GNA15: variants seen among roughly 807,000 people sequenced by gnomAD.
GNA15 encodes the protein G protein subunit alpha 15.
A neutral mutation model predicts 40.1 loss-of-function variants in GNA15; 23 were observed. The ratio of observed to expected loss-of-function variants is 0.57; its 90% CI spans 0.41 to 0.81. The LOEUF is 0.81. Among genes scored for constraint, GNA15 ranks in the 40% least tolerant of loss-of-function variants. The pLI is 0.00. For synonymous variants in GNA15, 226 were observed against 210.4 expected, an observed-to-expected ratio of 1.07 and a Z score of -0.64; for missense variants, 522 against 515.8, an observed-to-expected ratio of 1.01 and a Z score of -0.12.
At position 3,157,805 on chromosome 19, in the gene GNA15, C is replaced by T. The variant is rs1008634269; in HGVS notation, c.822C>T (p.Leu274=). ...LPWFKSTSVI[L]FLNKTDILEE... ...GGTTCAAAAGCACATCCGTCATCCTCTTTCTCAACAAAACCGACATCCTGG... is the reference window on the plus strand; with the variant it reads ...GGTTCAAAAGCACATCCGTCATCCTTTTTCTCAACAAAACCGACATCCTGG... The change falls in exon 6 of 7, where the codon CTC becomes CTT. Residue 274 remains leucine (L), a synonymous_variant. Transcript: ENST00000262958. The T allele has an allele frequency of 1.9e-6, 3 of 1,613,498 alleles. No homozygotes were observed. The African/African-American group carries it at 4.0e-5, about 22-fold the overall frequency.
At position 3,148,643 on chromosome 19, in the gene GNA15, C is replaced by T. The variant is rs145634230; in HGVS notation, c.198C>T (p.His66=). ...TCATCAAGCAGATGCGGATCATCCACGGCGCCGGCTACTCGGAGGAGGAGC... is the reference window on the plus strand; with the variant it reads ...TCATCAAGCAGATGCGGATCATCCATGGCGCCGGCTACTCGGAGGAGGAGC... ...STFIKQMRII[H]GAGYSEEERK... is the part of the protein sequence containing the mutation. Residue 66 remains histidine, a synonymous_variant, in exon 2 of 7, where the codon CAC becomes CAT. Transcript: ENST00000262958. 1.7e-5 allele frequency: 27 copies of T among 1,588,478 alleles called. No individual in the cohort carries two copies. Among genetic ancestry groups the T allele is most frequent in the East Asian group, 1.1e-4 (5 of 43,774 alleles).
chr19:3,142,857 G>C (rs1452523825), intron 1 of GNA15, among the ~76,000 whole-genome samples: 1 of 151,900 alleles, frequency 6.6e-6, no homozygotes, highest in East Asian at 1.9e-4. Flanking sequence ...GTGTGACAGA[G>C]CCAGACTCTA....
Position 3,157,853 on chromosome 19 carries a change from C to T in GNA15, c.870C>T (p.His290=). 1.2e-6 allele frequency: 2 copies of T among 1,613,526 alleles called. No homozygotes were observed. Among genetic ancestry groups the T allele is most frequent in the Non-Finnish European group, 1.7e-6 (2 of 1,179,404 alleles). ...TGGAGGAGAAAATCCCCACCTCCCA[C>T]CTGGCTACCTATTTCCCCAGTTTCC... is the stretch of plus-strand genomic sequence containing the variant. The part of the protein sequence containing the change: ...DILEEKIPTS[H]LATYFPSFQG... Residue 290 remains histidine, a synonymous_variant, in exon 6 of 7, where the codon CAC becomes CAT. Coordinates refer to ENST00000262958, the MANE Select transcript of GNA15 (RefSeq NM_002068.4).
At chr19:3,145,355 A>ATTTT (rs1374760162) in intron 1 of GNA15, among the ~76,000 whole-genome samples, 55 of 36,368 alleles carry the variant, frequency 1.5e-3, no homozygotes, top group Admixed American at 3.1e-3. Flanking sequence ...ATATATATAT[A>ATTTT]TATATTTTTT....
intron 1 of GNA15, among the ~76,000 whole-genome samples, chr19:3,147,888 A>T (rs1171003625): frequency 6.6e-4 from 14 of 21,368 alleles, no homozygotes; most frequent in Non-Finnish European, 1.1e-3. Flanking sequence ...ACTCCATCTC[A>T]AAAAAAAAAA....
chr19:3,136,213 C>G lies in GNA15; in HGVS notation c.-238C>G. 1 of 477,472 alleles carries G rather than the reference C, an allele frequency of 2.1e-6. No individual in the cohort carries two copies. Among genetic ancestry groups the G allele is most frequent in the East Asian group, 3.9e-5 (1 of 25,516 alleles). The allele number at this position is 477,472 out of a possible 1,614,324, so 29.6% of individuals were successfully genotyped here. On this transcript the variant is annotated 5_prime_UTR_variant, in exon 1 of 7. Transcript: ENST00000262958. This position sits in a 1 kb window ranked among gnomAD's most constrained non-coding sequence, Gnocchi z 4.9. The stretch of plus-strand genomic sequence containing the variant: ...TGGGCGGGGAGCCCTGGCCTCCCCA[C>G]CTCCTCCCGTCCCCACCCTGTTCCC...
rs114215767 is a variant in GNA15 at position 3,163,458 on chromosome 19, C to T, written c.*439C>T. On this transcript the variant is annotated 3_prime_UTR_variant, in exon 7 of 7. Transcript: ENST00000262958. ...GCGCCTTCGGGCGTGGACTCTGGCG[C>T]ACTCTAGTGGACAGGAGAAGGAACG... The T allele has an allele frequency of 8.9e-3, 1,866 of 210,322 alleles. 40 individuals are homozygous for T. The highest frequency in any genetic ancestry group is 0.039 in the African/African-American group (1,702 of 43,134). The allele number at this position is 210,322 out of a possible 1,614,324, so 13.0% of individuals were successfully genotyped here.
rs1216591880 is a variant in GNA15, at chr19:3,136,681, G to A, written c.145+86G>A. 3.9e-6 allele frequency: 5 copies of A among 1,283,542 alleles called. No homozygotes were observed. The South Asian group carries it at 4.0e-5, about 10-fold the overall frequency. 79.5% of individuals were successfully genotyped at this position (1,283,542 alleles called of 1,614,324 possible). A position where few individuals can be genotyped will look rare whatever the true frequency, so the allele number is the denominator to read the frequency against. On this transcript the variant is annotated intron_variant, in intron 1 of 6. Coordinates refer to ENST00000262958, the MANE Select transcript of GNA15 (RefSeq NM_002068.4). The surrounding 1 kb of genome is among the most constrained non-coding windows in gnomAD (Gnocchi z 4.9). The stretch of plus-strand genomic sequence containing the variant: ...GTGTCGGGGCAAGGAGGCGGATCAG[G>A]CTAGGTCAGACATTGGCATCGTGGA...
chr19:3,137,336 G>C (rs1441536409), intron 1 of GNA15, among the ~76,000 whole-genome samples: 1 of 152,174 alleles, frequency 6.6e-6, no homozygotes. Context: ...GGGAGTCGAC[G>C]TCAGTAACGG....
In GNA15 at chr19:3,151,711, C is replaced by T. The variant is rs761861133; in HGVS notation, c.490C>T (p.Leu164=). The part of the protein sequence containing the change: ...FHLLDSAVYY[L]SHLERITEEG... ...TCAGGACTCCTTGCTCTGCAGCTAC[C>T]TGTCCCACCTGGAGCGCATCACCGA... The change falls in exon 4 of 7, where the codon CTG becomes TTG. Residue 164 remains leucine (L), a synonymous_variant. Transcript: ENST00000262958. The surrounding 1 kb of genome is among the most constrained non-coding windows in gnomAD (Gnocchi z 5.0). 85 of 1,593,114 alleles carry T rather than the reference C, an allele frequency of 5.3e-5. No individual in the cohort carries two copies. The East Asian group carries it at 1.9e-3, about 35-fold the overall frequency.
intron 6 of GNA15, among the ~76,000 whole-genome samples, chr19:3,158,896 G>C (rs11881967): frequency 0.18 from 26,738 of 152,144 alleles, 2,532 homozygotes; most frequent in African/African-American, 0.2. Context: ...GCCTCCCAAA[G>C]TGCTGGGATT....
At chr19:3,161,921 T>C (rs1288659908) in intron 6 of GNA15, among the ~76,000 whole-genome samples, 2 of 151,094 alleles carry the variant, frequency 1.3e-5, no homozygotes, top group Non-Finnish European at 2.9e-5. Flanking sequence ...TCATCCCAGT[T>C]ACTCGGGAGG....
intron 6 of GNA15, among the ~76,000 whole-genome samples, chr19:3,162,088 A>T (rs145079819): frequency 6.6e-6 from 1 of 152,006 alleles, no homozygotes; most frequent in African/African-American, 2.4e-5. Context: ...ACAGCAGCTA[A>T]CACATCTACC....
intron 2 of GNA15, 58 bp from the exon 3 acceptor site, chr19:3,150,073 G>A: frequency 6.7e-7 from 1 of 1,491,036 alleles, no homozygotes; most frequent in Non-Finnish European, 9.2e-7. Context: ...AGAGATGCCT[G>A]CGGAGGGCAG....
intron 4 of GNA15, among the ~76,000 whole-genome samples, chr19:3,154,174 T>TGGATGGGTG (rs766187505): frequency 1.2e-4 from 11 of 95,238 alleles, no homozygotes; most frequent in Admixed American, 7.0e-4. Context: ...GATGGATGGA[T>TGGATGGGTG]GGATGGATGG....
At chr19:3,138,370 C>T (rs201142097) in intron 1 of GNA15, among the ~76,000 whole-genome samples, 1 of 152,188 alleles carries the variant, frequency 6.6e-6, no homozygotes, top group African/African-American at 2.4e-5. Context: ...GGCCTAAGCC[C>T]GGGATGCTAG....
intron 1 of GNA15, among the ~76,000 whole-genome samples, chr19:3,147,258 A>G (rs1286517400): frequency 1.3e-5 from 2 of 152,236 alleles, no homozygotes; most frequent in African/African-American, 4.8e-5. Context: ...TGTTATGATA[A>G]ATAATAAAAA....
At position 3,150,281 on chromosome 19, in the gene GNA15, G is replaced by C. The variant is rs747001611; in HGVS notation, c.481G>C (p.Val161Leu). The C allele has an allele frequency of 1.3e-6, 2 of 1,584,570 alleles. No homozygotes were observed. The highest frequency in any genetic ancestry group is 1.3e-5 in the African/African-American group (1 of 74,346). ...RREFHLLDSA[V>L]YYLSHLERIT... The stretch of plus-strand genomic sequence containing the variant: ...GGAATTCCACCTGCTCGATTCAGCC[G>C]TGTAGTGAGTCTGGGGTCTGCGGGG... The change falls in exon 3 of 7, where the codon GTG (valine) becomes CTG (leucine). Residue 161 changes from valine to leucine, a missense_variant. Physicochemically the swap from Val to Leu is conservative, Grantham distance 32. Coordinates refer to ENST00000262958, the MANE Select transcript of GNA15 (RefSeq NM_002068.4).
intron 6 of GNA15, among the ~76,000 whole-genome samples, chr19:3,160,571 G>C (rs1915119081): frequency 6.6e-6 from 1 of 152,184 alleles, no homozygotes; most frequent in African/African-American, 2.4e-5. Context: ...AAGGCAGCAT[G>C]ACACATGCAT....
Sources: gnomAD v4.1 joint callset for allele counts (sites outside exome capture counted in the v4.1 genomes callset) on GRCh38, gnomAD v4.1.1 for gene constraint, Gnocchi (gnomAD v3.1) non-coding constraint, MANE v1.5 for transcripts, NCBI Gene and HGNC (gene_info 2026-07-23, HGNC 2026-07-21) for gene names.